CEP152: variants seen among roughly 807,000 people sequenced by gnomAD.
CEP152 encodes the protein centrosomal protein of 152 kDa.
A neutral mutation model predicts 188.9 loss-of-function variants in CEP152; 132 were observed. That is an observed-to-expected ratio of 0.70 (90% CI 0.61 to 0.81). CEP152 has a LOEUF of 0.81. Ranked by LOEUF, CEP152 falls within the 30% of genes least tolerant of loss-of-function variation. The pLI is 0.00. For missense variants in CEP152, 1,914 were observed against 1,969.8 expected (o/e 0.97, Z 0.54); for synonymous variants, 649 against 666.6 (o/e 0.97, Z 0.41).
intron 6 of CEP152, 24 bp from the exon 7 acceptor site, chr15:48,793,485 A>G (rs895786020): frequency 1.3e-6 from 2 of 1,597,182 alleles, no homozygotes; most frequent in Non-Finnish European, 1.7e-6. Context: ...ACAATTTATT[A>G]GATAAAAACA....
At chr15:48,756,919 T>G (rs1178267857) in intron 19 of CEP152, among the ~76,000 whole-genome samples, 1 of 152,188 alleles carries the variant, frequency 6.6e-6, no homozygotes, top group African/African-American at 2.4e-5. Flanking sequence ...AAAAGCGGAC[T>G]CATAAGGATT....
chr15:48,793,775 C>T (rs1016060243), intron 6 of CEP152, among the ~76,000 whole-genome samples: 31 of 152,172 alleles, frequency 2.0e-4, no homozygotes, highest in African/African-American at 7.5e-4. Flanking sequence ...TTGAAAGTCA[C>T]TGGTTTAAGT....
In CEP152 at chr15:48,739,231, A is replaced by C. The variant is rs1329610668; in HGVS notation, c.4151T>G (p.Val1384Gly). 6.2e-7 allele frequency: 1 copy of C among 1,613,556 alleles called. No homozygotes were observed. The highest frequency in any genetic ancestry group is 8.5e-7 in the Non-Finnish European group (1 of 1,179,876). Reference protein sequence around the residue: ...IAVKKSKRNDVNQKIPCCIES... With the variant: ...IAVKKSKRNDGNQKIPCCIES... ...AATACAACATGGTATTTTCTGATTC[A>C]CATCATTTCTTTTTGATTTTTTAAC... The change falls in exon 27 of 27, where the codon GTG becomes GGG. Residue 1384 changes from valine to glycine, a missense_variant. Val to Gly is a moderately radical substitution (Grantham distance 109). Transcript: ENST00000380950.
chr15:48,787,689 C>T (rs2140871247), intron 9 of CEP152, among the ~76,000 whole-genome samples: 1 of 152,122 alleles, frequency 6.6e-6, no homozygotes, highest in Middle Eastern at 3.4e-3. Flanking sequence ...CAGAAATAAC[C>T]CAAATCAGCA....
At chr15:48,795,797 T>C (rs981863379) in intron 6 of CEP152, among the ~76,000 whole-genome samples, 5 of 152,214 alleles carry the variant, frequency 3.3e-5, no homozygotes, top group Admixed American at 3.3e-4. Context: ...CTCAACAGCC[T>C]ATTATTTTAA....
At chr15:48,758,662 T>C (rs1168755897) in intron 19 of CEP152, among the ~76,000 whole-genome samples, 1 of 132,698 alleles carries the variant, frequency 7.5e-6, no homozygotes, top group Non-Finnish European at 1.5e-5. Flanking sequence ...GAGGTTGCAG[T>C]GAGCTGAGAT....
chr15:48,763,286 C>G (rs937921449), intron 17 of CEP152, among the ~76,000 whole-genome samples: 6 of 152,188 alleles, frequency 3.9e-5, no homozygotes, highest in African/African-American at 1.4e-4. Context: ...TTTGGTTTTC[C>G]CTTTTTCTGT....
intron 2 of CEP152, among the ~76,000 whole-genome samples, chr15:48,732,617 T>C (rs541538901): frequency 2.7e-5 from 4 of 149,648 alleles, no homozygotes; most frequent in African/African-American, 9.9e-5. Flanking sequence ...ATGGCACACA[T>C]ATACCTAGGT....
intron 10 of CEP152, chr15:48,783,082 G>A (rs1343960698): frequency 6.6e-6 from 1 of 152,134 alleles, no homozygotes; most frequent in Non-Finnish European, 1.5e-5. Context: ...CCTTTCATAT[G>A]CCAAAGTGTG....
chr15:48,790,780 C>G (rs1876264934), intron 8 of CEP152, among the ~76,000 whole-genome samples: 1 of 152,170 alleles, frequency 6.6e-6, no homozygotes, highest in Non-Finnish European at 1.5e-5. Flanking sequence ...GTTGGCCAGG[C>G]TGGTCTCAAA....
intron 18 of CEP152, 73 bp from the exon 19 acceptor site, chr15:48,760,339 A>G: frequency 1.3e-6 from 2 of 1,558,568 alleles, no homozygotes; most frequent in Non-Finnish European, 8.8e-7. Context: ...TTAAACAGCA[A>G]TTATGATTTC....
intron 11 of CEP152, 30 bp downstream of exon 11, chr15:48,782,109 A>C: frequency 1.3e-6 from 2 of 1,587,834 alleles, no homozygotes; most frequent in Non-Finnish European, 1.7e-6. Context: ...TCAGATACCC[A>C]TAGAGCCTCT....
intron 19 of CEP152, among the ~76,000 whole-genome samples, chr15:48,756,790 T>A (rs1384735227): frequency 6.6e-6 from 1 of 152,148 alleles, no homozygotes; most frequent in African/African-American, 2.4e-5. Context: ...CTCACACATA[T>A]AATTATATAA....
At chr15:48,775,322 T>TAA in intron 12 of CEP152, among the ~76,000 whole-genome samples, 1 of 151,790 alleles carries the variant, frequency 6.6e-6, no homozygotes, top group South Asian at 2.1e-4. Flanking sequence ...CAAAATGAGA[T>TAA]AAACTAAAGA....
In CEP152 at chr15:48,738,168, C is replaced by T. The variant is rs1388227423; in HGVS notation, c.*81G>A. ...TTAAAACATCTCAAAAGAGGCAGGGCTCACAATTTTTTTCAGTATGAGGTC... is the reference window on the plus strand; with the variant it reads ...TTAAAACATCTCAAAAGAGGCAGGGTTCACAATTTTTTTCAGTATGAGGTC... On this transcript the variant is annotated 3_prime_UTR_variant, in exon 27 of 27. Coordinates refer to ENST00000380950, the MANE Select transcript of CEP152 (RefSeq NM_001194998.2). 3.6e-6 allele frequency: 5 copies of T among 1,402,900 alleles called. No individual in the cohort carries two copies. The highest frequency in any genetic ancestry group is 1.5e-5 in the African/African-American group (1 of 68,820). The allele number at this position is 1,402,900 out of a possible 1,614,324, so 86.9% of individuals were successfully genotyped here. A position where few individuals can be genotyped will look rare whatever the true frequency, so the allele number is the denominator to read the frequency against.
chr15:48,747,205 G>A (rs1406081207), intron 22 of CEP152, among the ~76,000 whole-genome samples: 1 of 152,224 alleles, frequency 6.6e-6, no homozygotes, highest in Non-Finnish European at 1.5e-5. Flanking sequence ...GAAGCATAAA[G>A]AGTCAGGGAA....
At chr15:48,768,373 CA>C (rs780964776) in intron 14 of CEP152, 45 bp from the exon 15 acceptor site, 3 of 1,005,206 alleles carry the variant, frequency 3.0e-6, no homozygotes, top group Non-Finnish European at 4.7e-6. Flanking sequence ...AAATAAACAT[CA>C]TTTTCACTGA....
Position 48,741,692 on chromosome 15 carries a change from C to G in CEP152, c.4002G>C (p.Lys1334Asn). Residue 1334 changes from lysine (K) to asparagine (N), a missense_variant, in exon 26 of 27, where the codon AAG becomes AAC. Coordinates refer to ENST00000380950, the MANE Select transcript of CEP152 (RefSeq NM_001194998.2). The part of the protein sequence containing the change: ...QDDGKEGAEK[K>N]IMNAASKLAT... ...CAAGTTTGCTAGCAGCATTCATAAT[C>G]TTTTTCTCAGCCCTGTGGGGAATTC... 1 of 1,614,054 alleles carries G rather than the reference C, an allele frequency of 6.2e-7. No homozygotes were observed. Among genetic ancestry groups the G allele is most frequent in the South Asian group, 1.1e-5 (1 of 91,080 alleles).
intron 8 of CEP152, among the ~76,000 whole-genome samples, chr15:48,790,602 C>T (rs992561312): frequency 1.3e-5 from 2 of 152,062 alleles, no homozygotes; most frequent in Non-Finnish European, 2.9e-5. Context: ...GTCTCGCTCT[C>T]GTCCCCCAGG....
Sources: allele counts gnomAD v4.1 joint callset (sites outside exome capture counted in the v4.1 genomes callset), GRCh38; gene constraint gnomAD v4.1.1; transcripts MANE v1.5; gene names NCBI Gene and HGNC (gene_info 2026-07-23, HGNC 2026-07-21).